Variants in ADAMTS18 observed in about 807,000 individuals in gnomAD.
ADAMTS18 encodes A disintegrin and metalloproteinase with thrombospondin motifs 18.
A neutral mutation model predicts 165.9 loss-of-function variants in ADAMTS18; 157 were observed. The observed-to-expected ratio is 0.95, with a 90% CI of 0.83 to 1.08. The LOEUF (loss-of-function observed/expected upper bound fraction) is 1.08, where lower values mean the gene tolerates loss of function less well. Ranked by LOEUF, ADAMTS18 falls within the 50% of genes least tolerant of loss-of-function variation. The pLI is 0.00. For missense variants in ADAMTS18, 2,040 were observed against 1,534.0 expected, an observed-to-expected ratio of 1.33 and a Z score of -5.51; for synonymous variants, 782 against 578.2, an observed-to-expected ratio of 1.35 and a Z score of -5.06.
chr16:77,308,405 CATT>C (rs1567469964), intron 16 of ADAMTS18, among the ~76,000 whole-genome samples: 2 of 151,930 alleles, frequency 1.3e-5, no homozygotes, highest in African/African-American at 4.8e-5. Context: ...GTGACTCATT[CATT>C]GTTGTGTGTG....
At chr16:77,422,766 A>C (rs150454980) in intron 3 of ADAMTS18, among the ~76,000 whole-genome samples, 53 of 152,292 alleles carry the variant, frequency 3.5e-4, no homozygotes, top group African/African-American at 1.2e-3. Flanking sequence ...CTTACTACTG[A>C]AAGTCTTACA....
intron 3 of ADAMTS18, 49 bp from the exon 4 acceptor site, chr16:77,367,772 T>G (rs1161092747): frequency 6.2e-7 from 1 of 1,613,096 alleles, no homozygotes; most frequent in Admixed American, 1.7e-5. Context: ...TGCATCCCTG[T>G]GCCAAGGGTT....
At chr16:77,364,426 C>G (rs771652319) in intron 4 of ADAMTS18, 45 bp from the exon 5 acceptor site, 13 of 1,591,220 alleles carry the variant, frequency 8.2e-6, no homozygotes, top group East Asian at 2.2e-5. Context: ...TAGAGAATAT[C>G]TGGATAAGAC....
chr16:77,285,403 C>T (rs1421974992), intron 22 of ADAMTS18, among the ~76,000 whole-genome samples: 1 of 152,044 alleles, frequency 6.6e-6, no homozygotes. Flanking sequence ...GAACTCCTGA[C>T]CTCGGGTGAT....
chr16:77,396,476 G>A (rs77370343), intron 3 of ADAMTS18, among the ~76,000 whole-genome samples: 7,291 of 152,262 alleles, frequency 0.048, 226 homozygotes, highest in Middle Eastern at 0.1. Context: ...AGTTTCACAT[G>A]AGTAGTATAA....
intron 19 of ADAMTS18, among the ~76,000 whole-genome samples, chr16:77,293,897 A>G (rs2055416301): frequency 6.6e-6 from 1 of 151,708 alleles, no homozygotes; most frequent in African/African-American, 2.4e-5. Flanking sequence ...TGGGCAGCCC[A>G]GTTCCTTACA....
chr16:77,319,965 T>C lies in ADAMTS18; in HGVS notation c.2416A>G (p.Ile806Val). The C allele has an allele frequency of 6.2e-7, 1 of 1,614,200 alleles. No individual in the cohort carries two copies. Among genetic ancestry groups the C allele is most frequent in the Non-Finnish European group, 8.5e-7 (1 of 1,180,034 alleles). ...QKYYLTGGWS[I>V]DWPGEFPFAG... ...AAGGGGAACTCCCCAGGCCAGTCGA[T>C]GCTCCAGCCCCCGGTGAGGTAATAC... Residue 806 changes from isoleucine (I) to valine (V), a missense_variant, in exon 16 of 23, where the codon ATC (isoleucine) becomes GTC (valine). Physicochemically the swap from Ile to Val is conservative, Grantham distance 29. Coordinates refer to ENST00000282849, the MANE Select transcript of ADAMTS18 (RefSeq NM_199355.4).
intron 3 of ADAMTS18, among the ~76,000 whole-genome samples, chr16:77,427,436 A>G (rs141816321): frequency 2.8e-4 from 43 of 152,332 alleles, no homozygotes; most frequent in African/African-American, 7.7e-4. Context: ...GGCTTGCTGG[A>G]TGTAATGACT....
At chr16:77,295,205 AACCAC>A in intron 18 of ADAMTS18, 78 bp from the exon 19 acceptor site, 1 of 1,461,056 alleles carries the variant, frequency 6.8e-7, no homozygotes, top group South Asian at 1.2e-5. Flanking sequence ...GTGAAAGGTA[AACCAC>A]CTATGGAAGC....
intron 3 of ADAMTS18, among the ~76,000 whole-genome samples, chr16:77,390,641 G>C (rs1215889334): frequency 6.6e-6 from 1 of 151,270 alleles, no homozygotes; most frequent in Admixed American, 6.6e-5. Context: ...AGTGAGTGGA[G>C]ATCGCACCAC....
At chr16:77,418,521 A>G (rs1037443865) in intron 3 of ADAMTS18, among the ~76,000 whole-genome samples, 1 of 152,174 alleles carries the variant, frequency 6.6e-6, no homozygotes, top group African/African-American at 2.4e-5. Context: ...TGCACAAGAA[A>G]GAATTATCCA....
At chr16:77,353,911 A>T (rs1166600448) in intron 9 of ADAMTS18, 25 bp from the exon 10 acceptor site, 12 of 1,613,856 alleles carry the variant, frequency 7.4e-6, no homozygotes, top group African/African-American at 1.3e-5. Flanking sequence ...CATGCTTATT[A>T]ATTACTCTGT....
chr16:77,313,457 A>C (rs562905028), intron 16 of ADAMTS18, among the ~76,000 whole-genome samples: 1 of 148,286 alleles, frequency 6.7e-6, no homozygotes, highest in East Asian at 1.9e-4. Flanking sequence ...AATAAAATAA[A>C]TAAATAAATA....
chr16:77,319,934 C>A lies in ADAMTS18; in HGVS notation c.2447G>T (p.Gly816Val). ...IDWPGEFPFAGTTFEYQRSFN... is the reference protein window; with the variant it reads ...IDWPGEFPFAVTTFEYQRSFN... ...AGAGCGCTGGTATTCAAACGTGGTC[C>A]CAGCGAAGGGGAACTCCCCAGGCCA... The change falls in exon 16 of 23, where the codon GGG (glycine) becomes GTG (valine). Residue 816 changes from glycine (G) to valine (V), a missense_variant. By Grantham distance (109) the Gly-to-Val change is moderately radical. Transcript: ENST00000282849. 6.2e-7 allele frequency: 1 copy of A among 1,614,194 alleles called. No homozygotes were observed. Among genetic ancestry groups the A allele is most frequent in the Non-Finnish European group, 8.5e-7 (1 of 1,180,030 alleles).
intron 20 of ADAMTS18, 149 bp downstream of exon 20, chr16:77,292,927 C>T: frequency 1.2e-6 from 1 of 864,248 alleles, no homozygotes; most frequent in Non-Finnish European, 1.8e-6. Flanking sequence ...TCACGCCATG[C>T]TCCTGCCTCA....
chr16:77,289,900 G>T (rs748409779), intron 21 of ADAMTS18, among the ~76,000 whole-genome samples: 4 of 152,174 alleles, frequency 2.6e-5, no homozygotes, highest in Non-Finnish European at 5.9e-5. Context: ...CAGAGTTGGT[G>T]CTTCTTAGGA....
chr16:77,337,485 G>A (rs2056327878), intron 11 of ADAMTS18, among the ~76,000 whole-genome samples: 1 of 152,172 alleles, frequency 6.6e-6, no homozygotes, highest in African/African-American at 2.4e-5. Context: ...TAGCTAACTT[G>A]CTCAGAGTGA....
At chr16:77,346,769 T>C (rs1319703642) in intron 10 of ADAMTS18, among the ~76,000 whole-genome samples, 1 of 152,196 alleles carries the variant, frequency 6.6e-6, no homozygotes, top group African/African-American at 2.4e-5. Context: ...AATTAACAAG[T>C]AGGAGTCACC....
At chr16:77,426,872 G>A (rs1253308746) in intron 3 of ADAMTS18, among the ~76,000 whole-genome samples, 1 of 152,136 alleles carries the variant, frequency 6.6e-6, no homozygotes, top group Non-Finnish European at 1.5e-5. Flanking sequence ...AAATTGGCCT[G>A]GTGTGGTGGT....
Sources: gnomAD v4.1 joint callset for allele counts (sites outside exome capture counted in the v4.1 genomes callset) on GRCh38, gnomAD v4.1.1 for gene constraint, MANE v1.5 for transcripts, NCBI Gene and HGNC (gene_info 2026-07-23, HGNC 2026-07-21) for gene names.